The following PPP1R1C variants were observed in gnomAD, a reference collection of about 807,000 sequenced individuals.
PPP1R1C encodes protein phosphatase 1 regulatory inhibitor subunit 1C.
In PPP1R1C, 15 loss-of-function variants were observed where a neutral mutation model predicts 17.4. The observed-to-expected ratio is 0.86, with a 90% confidence interval of 0.58 to 1.33. The LOEUF is 1.33. PPP1R1C is among the 40% of genes most tolerant of loss of function. The pLI is 0.00. For missense variants in PPP1R1C, 143 were observed against 130.0 expected (o/e 1.10, Z -0.48); for synonymous variants, 35 against 43.1 (o/e 0.81, Z 0.73).
At chr2:182,101,485 T>C (rs1338357310) in intron 4 of PPP1R1C, among the ~76,000 whole-genome samples, 1 of 152,166 alleles carries the variant, frequency 6.6e-6, no homozygotes, top group Non-Finnish European at 1.5e-5. Flanking sequence ...CATCAGGTCA[T>C]GGTTGGGTAG....
intron 4 of PPP1R1C, among the ~76,000 whole-genome samples, chr2:182,094,503 A>T (rs1285646466): frequency 6.6e-6 from 1 of 152,234 alleles, no homozygotes; most frequent in Admixed American, 6.5e-5. Context: ...AAAGTACTTT[A>T]AATTTTGAAT....
chr2:181,987,274 AC>A (rs970357208), intron 1 of PPP1R1C, among the ~76,000 whole-genome samples: 2 of 152,016 alleles, frequency 1.3e-5, no homozygotes, highest in African/African-American at 2.4e-5. Flanking sequence ...AAAAAAAAAA[AC>A]TTTAGAGTTT....
chr2:182,106,363 T>C (rs529942297), intron 4 of PPP1R1C, among the ~76,000 whole-genome samples: 7 of 152,230 alleles, frequency 4.6e-5, no homozygotes, highest in African/African-American at 1.7e-4. Context: ...CAGCTAGATA[T>C]TTAGAGGAGC....
At chr2:182,063,148 G>A (rs556722302) in intron 3 of PPP1R1C, among the ~76,000 whole-genome samples, 25 of 152,074 alleles carry the variant, frequency 1.6e-4, no homozygotes, top group African/African-American at 5.8e-4. Context: ...GCTTAGGTAA[G>A]AGTGTCACAT....
intron 4 of PPP1R1C, among the ~76,000 whole-genome samples, chr2:182,112,102 T>G (rs1689456488): frequency 6.6e-6 from 1 of 152,184 alleles, no homozygotes; most frequent in Non-Finnish European, 1.5e-5. Flanking sequence ...CTTCATTACA[T>G]GCACACCATC....
chr2:182,110,852 A>C (rs1311851741), intron 4 of PPP1R1C, among the ~76,000 whole-genome samples: 1 of 152,084 alleles, frequency 6.6e-6, no homozygotes, highest in African/African-American at 2.4e-5. Context: ...GTTTAGCTCC[A>C]TTATGTGTAG....
At chr2:182,025,410 C>A (rs1574387651) in intron 2 of PPP1R1C, among the ~76,000 whole-genome samples, 2 of 139,862 alleles carry the variant, frequency 1.4e-5, no homozygotes, top group South Asian at 2.4e-4. Flanking sequence ...TTCCTGTGTC[C>A]ATGTGATCTC....
rs570341039 is a variant in PPP1R1C, at chr2:181,969,409, A to G, written n.112-5810A>G. ...ATTTTTTTCTTTTAGCACTTTATAT[A>G]TGTCACACCACTCTCTCCTGGCCTA... On this transcript the variant is annotated intron_variant and non_coding_transcript_variant, in intron 1 of 5. Transcript: ENST00000464264. Among the ~76,000 whole-genome samples, 6 of 152,180 alleles carry G rather than the reference A, an allele frequency of 3.9e-5. No homozygotes were observed. The East Asian group carries it at 7.7e-4, about 20-fold the overall frequency.
At chr2:182,011,231 T>C (rs1385010203) in intron 2 of PPP1R1C, among the ~76,000 whole-genome samples, 3 of 152,190 alleles carry the variant, frequency 2.0e-5, no homozygotes, top group Middle Eastern at 3.4e-3. Flanking sequence ...AATTCAGCAG[T>C]GAAGCTATTG....
chr2:182,041,161 G>A (rs1317167648), intron 2 of PPP1R1C, among the ~76,000 whole-genome samples: 2 of 151,978 alleles, frequency 1.3e-5, no homozygotes, highest in East Asian at 1.9e-4. Flanking sequence ...TTGAATTTTA[G>A]GGTTGTTGTT....
chr2:181,986,348 A>G (rs1403125423), intron 1 of PPP1R1C, among the ~76,000 whole-genome samples, 157 bp downstream of exon 1: 1 of 152,214 alleles, frequency 6.6e-6, no homozygotes, highest in East Asian at 1.9e-4. Context: ...ACATACTTGT[A>G]TTTAAATTGC....
intron 4 of PPP1R1C, among the ~76,000 whole-genome samples, chr2:182,091,439 A>C (rs1372525674): frequency 6.6e-6 from 1 of 152,118 alleles, no homozygotes; most frequent in African/African-American, 2.4e-5. Flanking sequence ...TGAGAAAGAG[A>C]AAGTGGAGCC....
chr2:182,106,471 ACG>A (rs1482295183), intron 4 of PPP1R1C, among the ~76,000 whole-genome samples: 1 of 152,178 alleles, frequency 6.6e-6, no homozygotes, highest in Admixed American at 6.5e-5. Flanking sequence ...TGGTGGTCGG[ACG>A]AGAGCCCAGC....
intron 1 of PPP1R1C, among the ~76,000 whole-genome samples, chr2:181,959,001 G>A (rs1684716742): frequency 6.6e-6 from 1 of 152,234 alleles, no homozygotes; most frequent in African/African-American, 2.4e-5. Context: ...TGAGAGTAGA[G>A]TTGACTGCAT....
At chr2:182,043,759 C>T (rs1687256996) in intron 2 of PPP1R1C, among the ~76,000 whole-genome samples, 1 of 152,136 alleles carries the variant, frequency 6.6e-6, no homozygotes, top group African/African-American at 2.4e-5. Context: ...TGCTATTACT[C>T]AGAGTTGCTA....
rs1574387824 is a variant in PPP1R1C at position 182,025,560 on chromosome 2, AG to A, written c.143-35881del. On this transcript the variant is annotated intron_variant, in intron 2 of 4. Transcript: ENST00000682840. ...AACTCATCATTTTTTATGGCTGCAT[AG>A]TATTCCATGGTGTATATGTGCCACA... Among the ~76,000 whole-genome samples the A allele has an allele frequency of 3.9e-5, 4 of 102,208 alleles. No individual in the cohort carries two copies. In the East Asian group the frequency reaches 1.0e-3, roughly 27 times the overall value. 67.1% of individuals were successfully genotyped at this position (102,208 alleles called of 152,430 possible). A position where few individuals can be genotyped will look rare whatever the true frequency, so the allele number is the denominator to read the frequency against.
chr2:182,096,219 G>T (rs977511231), intron 4 of PPP1R1C, among the ~76,000 whole-genome samples: 1 of 152,152 alleles, frequency 6.6e-6, no homozygotes, highest in Non-Finnish European at 1.5e-5. Flanking sequence ...AAAAACGGGG[G>T]AATTTAGCAA....
downstream of PPP1R1C, among the ~76,000 whole-genome samples, chr2:182,120,858 A>C (rs981113603): frequency 3.3e-5 from 5 of 152,080 alleles, no homozygotes; most frequent in South Asian, 2.1e-4. Flanking sequence ...CTAAAAAAAA[A>C]CACAAAGAAA....
rs71008206 is a variant in PPP1R1C, at chr2:182,037,585, C to CAA, written c.143-23844_143-23843dup. Among the ~76,000 whole-genome samples, 1,100 of 124,566 alleles carry CAA rather than the reference C, an allele frequency of 8.8e-3. 8 individuals are homozygous for CAA. Among genetic ancestry groups the CAA allele is most frequent in the Middle Eastern group, 0.038 (9 of 236 alleles). The allele number at this position is 124,566 out of a possible 152,430, so 81.7% of individuals were successfully genotyped here. A position where few individuals can be genotyped will look rare whatever the true frequency, so the allele number is the denominator to read the frequency against. On this transcript the variant is annotated intron_variant, in intron 2 of 4. Coordinates refer to ENST00000682840, the MANE Select transcript of PPP1R1C (RefSeq NM_001080545.3). ...CTGGTGACAGAGCAAGAATCCATCTCAAAAAAAAAAAAAATGTGTAAAACC... is the reference window on the plus strand; with the variant it reads ...CTGGTGACAGAGCAAGAATCCATCTCAAAAAAAAAAAAAAAATGTGTAAAACC...
Sources: allele counts gnomAD v4.1 joint callset (sites outside exome capture counted in the v4.1 genomes callset), GRCh38; gene constraint gnomAD v4.1.1; transcripts MANE v1.5; gene names NCBI Gene and HGNC (gene_info 2026-07-23, HGNC 2026-07-21).